The following TMPRSS4 variants were observed in gnomAD, a reference collection of about 807,000 sequenced individuals.
The protein encoded by TMPRSS4 is transmembrane serine protease 4.
In TMPRSS4, 45 loss-of-function variants were observed where a neutral mutation model predicts 56.4. The ratio of observed to expected loss-of-function variants is 0.80; its 90% CI spans 0.63 to 1.02. The LOEUF is 1.02. Among genes scored for constraint, TMPRSS4 ranks in the 50% least tolerant of loss-of-function variants. The pLI is 0.00. For synonymous variants in TMPRSS4, 205 were observed against 211.0 expected, an observed-to-expected ratio of 0.97 and a Z score of 0.25; for missense variants, 546 against 556.7, an observed-to-expected ratio of 0.98 and a Z score of 0.19.
chr11:118,084,759 T>C (rs1945415216), intron 1 of TMPRSS4, among the ~76,000 whole-genome samples: 3 of 152,262 alleles, frequency 2.0e-5, no homozygotes, highest in Non-Finnish European at 4.4e-5. Flanking sequence ...TCAATAATTC[T>C]CACCAACAAC....
chr11:118,080,078 G>A (rs1792445098), intron 1 of TMPRSS4, among the ~76,000 whole-genome samples: 1 of 152,174 alleles, frequency 6.6e-6, no homozygotes, highest in Admixed American at 6.5e-5. Flanking sequence ...CTCTAAATGG[G>A]GCTGGGGATT....
Position 118,117,986 on chromosome 11 carries a change from GAC to G in TMPRSS4, c.*77_*78del. 1.2e-6 allele frequency: 2 copies of G among 1,611,016 alleles called. No individual in the cohort carries two copies. Among genetic ancestry groups the G allele is most frequent in the South Asian group, 1.1e-5 (1 of 90,950 alleles). ...CCCACCTGGGGATCCCCCAAAGTCA[GAC>G]ACAGAGCAAGAGTCCCCTTGGGTAC... On this transcript the variant is annotated 3_prime_UTR_variant, in exon 13 of 13. Coordinates refer to ENST00000437212, the MANE Select transcript of TMPRSS4 (RefSeq NM_019894.4).
intron 1 of TMPRSS4, among the ~76,000 whole-genome samples, chr11:118,080,675 G>T (rs1488924380): frequency 2.6e-5 from 4 of 152,160 alleles, no homozygotes; most frequent in Non-Finnish European, 2.9e-5. Context: ...AATGAGGAGA[G>T]ACCAGCTCAA....
chr11:118,108,111 T>C, intron 6 of TMPRSS4: 1 of 481,742 alleles, frequency 2.1e-6, no homozygotes, highest in South Asian at 3.2e-5. Flanking sequence ...TGTGTTGTCC[T>C]ACTCAGAGCC....
At chr11:118,107,743 C>T (rs1355250969) in intron 5 of TMPRSS4, 31 bp from the exon 6 acceptor site, 2 of 1,602,440 alleles carry the variant, frequency 1.2e-6, no homozygotes, top group Non-Finnish European at 1.7e-6. Context: ...TGCCCCAGCT[C>T]ACAACTCTCT....
chr11:118,085,408 A>G (rs1291829219), intron 1 of TMPRSS4, among the ~76,000 whole-genome samples: 1 of 151,978 alleles, frequency 6.6e-6, no homozygotes, highest in Non-Finnish European at 1.5e-5. Flanking sequence ...TATTTTTAGT[A>G]GAGATGGGGT....
intron 5 of TMPRSS4, among the ~76,000 whole-genome samples, chr11:118,105,390 T>C (rs1946938398): frequency 6.6e-6 from 1 of 152,064 alleles, no homozygotes; most frequent in South Asian, 2.1e-4. Flanking sequence ...ATTCACTTGA[T>C]TTTGGCAGAA....
At chr11:118,079,284 G>C (rs917200121) in intron 1 of TMPRSS4, among the ~76,000 whole-genome samples, 2 of 152,132 alleles carry the variant, frequency 1.3e-5, no homozygotes, top group African/African-American at 4.8e-5. Flanking sequence ...TCCACACCCA[G>C]GCTCAGCCCT....
chr11:118,108,945 C>T (rs1215727000), intron 7 of TMPRSS4, 49 bp downstream of exon 7: 1 of 1,595,936 alleles, frequency 6.3e-7, no homozygotes, highest in East Asian at 2.2e-5. Flanking sequence ...CAGCAATGAG[C>T]AGGGAGGAAG....
intron 11 of TMPRSS4, 137 bp from the exon 12 acceptor site, chr11:118,117,168 C>T: frequency 2.3e-6 from 2 of 875,832 alleles, no homozygotes; most frequent in East Asian, 2.4e-5. Flanking sequence ...TGCTAATGAG[C>T]AAAGAGGGTG....
At chr11:118,086,597 G>C (rs988590070) in intron 1 of TMPRSS4, among the ~76,000 whole-genome samples, 2 of 152,312 alleles carry the variant, frequency 1.3e-5, no homozygotes, top group Admixed American at 6.5e-5. Context: ...TAACAGGTGC[G>C]ATCCCAGGAT....
intron 10 of TMPRSS4, 21 bp downstream of exon 10, chr11:118,114,948 C>T: frequency 6.3e-7 from 1 of 1,581,994 alleles, no homozygotes; most frequent in East Asian, 2.3e-5. Flanking sequence ...GGTGCAGGAC[C>T]ACAGGGCAGG....
intron 1 of TMPRSS4, among the ~76,000 whole-genome samples, chr11:118,079,919 G>A (rs112844968): frequency 4.6e-5 from 7 of 152,328 alleles, no homozygotes; most frequent in African/African-American, 1.7e-4. Flanking sequence ...TAAAGGGCAA[G>A]ACAGGCAAGG....
At chr11:118,104,510 A>C (rs1335407905) in intron 4 of TMPRSS4, among the ~76,000 whole-genome samples, 181 bp from the exon 5 acceptor site, 1 of 152,228 alleles carries the variant, frequency 6.6e-6, no homozygotes, top group Non-Finnish European at 1.5e-5. Flanking sequence ...GCTACTGTCA[A>C]AATGGGGCCC....
chr11:118,125,341 T>A (rs564465052), downstream of TMPRSS4: 1 of 456,716 alleles, frequency 2.2e-6, no homozygotes, highest in East Asian at 6.9e-5. Flanking sequence ...ACAGGTCTTG[T>A]GATTCAGCAA....
In TMPRSS4 at chr11:118,118,908, A is replaced by C. The variant is rs1327173970; in HGVS notation, c.*995A>C. 1.0e-6 allele frequency: 1 copy of C among 985,328 alleles called. No individual in the cohort carries two copies. 61.0% of individuals were successfully genotyped at this position (985,328 alleles called of 1,614,324 possible). ...AAGGATCAGCTGCCAGGTGTGAGGC[A>C]GTCCCCAAGCTGAGTTGTGAGGATG... On this transcript the variant is annotated 3_prime_UTR_variant, in exon 13 of 13. Transcript: ENST00000437212.
intron 1 of TMPRSS4, among the ~76,000 whole-genome samples, chr11:118,078,221 C>T (rs1441572753): frequency 2.0e-5 from 3 of 152,030 alleles, no homozygotes; most frequent in Non-Finnish European, 4.4e-5. Context: ...AGGAGGACAG[C>T]TGAGGGCCAG....
At position 118,107,811 on chromosome 11, in the gene TMPRSS4, C is replaced by T. The variant is rs776216178; in HGVS notation, c.478C>T (p.Gln160Ter). 16 of 1,614,048 alleles carry T rather than the reference C, an allele frequency of 9.9e-6. No homozygotes were observed. The highest frequency in any genetic ancestry group is 1.4e-5 in the Non-Finnish European group (16 of 1,180,038). The change falls in exon 6 of 13, where the codon CAG becomes TAG. Residue 160 changes from glutamine (Q) to a stop codon, truncating the protein, a stop_gained. Coordinates refer to ENST00000437212, the MANE Select transcript of TMPRSS4 (RefSeq NM_019894.4). LOFTEE classifies it high-confidence loss of function. The stretch of plus-strand genomic sequence containing the variant: ...CAGAGCTGTGGAGATTGGCCCAGAC[C>T]AGGATCTGGATGTTGTTGAAATCAC... ...TFRAVEIGPD[Q>*]DLDVVEITEN...
At chr11:118,086,267 T>A (rs1380406607) in intron 1 of TMPRSS4, among the ~76,000 whole-genome samples, 1 of 152,238 alleles carries the variant, frequency 6.6e-6, no homozygotes, top group Non-Finnish European at 1.5e-5. Context: ...AACAGCAGGC[T>A]GGCAGGGGAT....
Sources: gnomAD v4.1 joint callset for allele counts (sites outside exome capture counted in the v4.1 genomes callset) on GRCh38, gnomAD v4.1.1 for gene constraint, MANE v1.5 for transcripts, NCBI Gene and HGNC (gene_info 2026-07-23, HGNC 2026-07-21) for gene names.